NAALADL2: variants seen among roughly 807,000 people sequenced by gnomAD.
The protein encoded by NAALADL2 is N-acetylated alpha-linked acidic dipeptidase like 2, also known as inactive N-acetylated-alpha-linked acidic dipeptidase-like protein 2.
NAALADL2 carries 76 observed loss-of-function variants against 87.2 expected under a neutral mutation model. The ratio of observed to expected loss-of-function variants is 0.87; its 90% CI spans 0.72 to 1.05. The LOEUF (loss-of-function observed/expected upper bound fraction) is 1.05. Among genes scored for constraint, NAALADL2 ranks in the 50% least tolerant of loss-of-function variants. The probability of loss-of-function intolerance (pLI) is 0.00; values close to 1 mark genes in which losing one functional copy is unlikely to be tolerated. For missense variants in NAALADL2, 1,089 were observed against 945.8 expected (o/e 1.15, Z -1.99); for synonymous variants, 354 against 331.0 (o/e 1.07, Z -0.75).
rs929488855 is a variant in NAALADL2, at chr3:175,293,068, G to GA, written c.940-31105dup. Among the ~76,000 whole-genome samples the GA allele has an allele frequency of 5.6e-5, 8 of 143,566 alleles. No homozygotes were observed. The South Asian group carries it at 1.8e-3, about 31-fold the overall frequency. 94.2% of individuals were successfully genotyped at this position (143,566 alleles called of 152,430 possible). On this transcript the variant is annotated intron_variant, in intron 4 of 13. Coordinates refer to ENST00000454872, the MANE Select transcript of NAALADL2 (RefSeq NM_207015.3). Reference sequence around the variant, plus strand: ...AAAAAAAAAAAAAAAAAAAAAGGGGGAACTCGGTTATTGTTCTGAAAAGAT... The same window carrying GA: ...AAAAAAAAAAAAAAAAAAAAAGGGGGAAACTCGGTTATTGTTCTGAAAAGAT...
intron 1 of NAALADL2, among the ~76,000 whole-genome samples, chr3:174,910,767 C>G (rs1733588323): frequency 6.6e-6 from 1 of 152,086 alleles, no homozygotes. Flanking sequence ...TGACTTGACC[C>G]TCCTCTTCCC....
intron 1 of NAALADL2, among the ~76,000 whole-genome samples, chr3:174,868,241 T>A (rs1727390956): frequency 6.6e-6 from 1 of 152,184 alleles, no homozygotes. Context: ...AATACTAATG[T>A]ATTCATTTAA....
In NAALADL2 at chr3:175,096,781, T is replaced by C; in HGVS notation, c.44-9T>C. 1 of 1,444,506 alleles carries C rather than the reference T, an allele frequency of 6.9e-7. No homozygotes were observed. Among genetic ancestry groups the C allele is most frequent in the Non-Finnish European group, 9.1e-7 (1 of 1,092,916 alleles). 89.5% of individuals were successfully genotyped at this position (1,444,506 alleles called of 1,614,324 possible). A position where few individuals can be genotyped will look rare whatever the true frequency, so the allele number is the denominator to read the frequency against. On this transcript the variant is annotated splice_polypyrimidine_tract_variant and intron_variant, in intron 1 of 13. Transcript: ENST00000454872. The stretch of plus-strand genomic sequence containing the variant: ...ATTTTATTAAAATATATTTTTCTTA[T>C]TTTCACAGGTAAAAAGATGGCCTAT...
At chr3:174,998,322 T>G (rs748795609) in intron 1 of NAALADL2, among the ~76,000 whole-genome samples, 6 of 152,190 alleles carry the variant, frequency 3.9e-5, no homozygotes, top group Admixed American at 1.3e-4. Context: ...CACCAAACAC[T>G]TACAGATATC....
At chr3:174,881,119 C>A (rs1354006153) in intron 1 of NAALADL2, among the ~76,000 whole-genome samples, 1 of 152,088 alleles carries the variant, frequency 6.6e-6, no homozygotes, top group Non-Finnish European at 1.5e-5. Context: ...TCTGTAAAGA[C>A]CCTGTTTTCA....
chr3:175,442,299 G>GTA (rs3067105), intron 5 of NAALADL2, among the ~76,000 whole-genome samples: 109,345 of 150,170 alleles, frequency 0.73, 40,113 homozygotes, highest in Middle Eastern at 0.83. Context: ...CACATATAAA[G>GTA]TATATATATA....
chr3:175,778,503 T>C (rs1227696389), intron 13 of NAALADL2, among the ~76,000 whole-genome samples: 1 of 152,202 alleles, frequency 6.6e-6, no homozygotes, highest in African/African-American at 2.4e-5. Flanking sequence ...GTCTCACAGC[T>C]CTGTGTTACT....
At chr3:174,916,067 A>G (rs1230034594) in intron 1 of NAALADL2, among the ~76,000 whole-genome samples, 1 of 152,172 alleles carries the variant, frequency 6.6e-6, no homozygotes, top group Admixed American at 6.5e-5. Flanking sequence ...AAGGACATGA[A>G]TATACCTTTC....
chr3:175,757,390 C>T (rs1747414707), intron 13 of NAALADL2, among the ~76,000 whole-genome samples: 1 of 152,138 alleles, frequency 6.6e-6, no homozygotes, highest in Admixed American at 6.6e-5. Flanking sequence ...GTTTAAGGTG[C>T]CCATTAGTAC....
intron 13 of NAALADL2, among the ~76,000 whole-genome samples, chr3:175,800,583 C>T (rs1433562625): frequency 6.6e-6 from 1 of 151,894 alleles, no homozygotes; most frequent in East Asian, 1.9e-4. Context: ...TACTCATTTT[C>T]AACAGAAATT....
rs528769783 is a variant in NAALADL2, at chr3:175,324,305, C to T, written c.1070C>T (p.Thr357Met). The change falls in exon 5 of 14, where the codon ACG becomes ATG. Residue 357 changes from threonine (T) to methionine (M), a missense_variant. Thr to Met is a moderately conservative substitution (Grantham distance 81, BLOSUM62 -1). Coordinates refer to ENST00000454872, the MANE Select transcript of NAALADL2 (RefSeq NM_207015.3). ...CTGAATCCAGGAGGAGACCCTTCTA[C>T]GCCTGGTTACCCAAGTGTCGGTAAG... is the stretch of plus-strand genomic sequence containing the variant. ...VSLNPGGDPS[T>M]PGYPSVDESF... 3.0e-5 allele frequency: 49 copies of T among 1,611,980 alleles called. No individual in the cohort carries two copies. The highest frequency in any genetic ancestry group is 2.3e-4 in the African/African-American group (17 of 74,892).
At chr3:175,293,431 A>T (rs1381420110) in intron 4 of NAALADL2, among the ~76,000 whole-genome samples, 1 of 152,228 alleles carries the variant, frequency 6.6e-6, no homozygotes, top group Non-Finnish European at 1.5e-5. Context: ...TATGGAAAAA[A>T]AAGATGGGCA....
chr3:175,772,063 G>A (rs976285020), intron 13 of NAALADL2, among the ~76,000 whole-genome samples: 3 of 152,102 alleles, frequency 2.0e-5, no homozygotes. Context: ...CAAGATTTGG[G>A]TGGGGACACA....
chr3:175,787,577 C>T (rs867842697), intron 13 of NAALADL2, among the ~76,000 whole-genome samples: 37 of 152,220 alleles, frequency 2.4e-4, no homozygotes, highest in South Asian at 1.0e-3. Context: ...GGCTCGCGCA[C>T]GGTGCGCGCA....
intron 9 of NAALADL2, among the ~76,000 whole-genome samples, chr3:175,498,209 C>G (rs1213439046): frequency 1.3e-5 from 2 of 151,946 alleles, no homozygotes; most frequent in African/African-American, 4.8e-5. Context: ...AAAATAGCCT[C>G]AAAAGGACAA....
intron 2 of NAALADL2, among the ~76,000 whole-genome samples, chr3:175,199,693 G>A (rs1434609246): frequency 2.0e-5 from 3 of 150,326 alleles, no homozygotes; most frequent in African/African-American, 7.3e-5. Context: ...CCTGTTTGGC[G>A]TTAGCTTTAC....
intron 3 of NAALADL2, among the ~76,000 whole-genome samples, chr3:175,240,875 G>T (rs1033180281): frequency 1.3e-5 from 2 of 151,968 alleles, no homozygotes; most frequent in African/African-American, 4.8e-5. Context: ...GGCTGGTCTC[G>T]AACTGGAACT....
intron 13 of NAALADL2, among the ~76,000 whole-genome samples, chr3:175,759,381 G>A (rs1747695705): frequency 7.1e-6 from 1 of 141,506 alleles, no homozygotes; most frequent in Admixed American, 7.2e-5. Context: ...CTTTTGAGAT[G>A]GAGTCTCGCT....
chr3:174,820,202 T>A (rs1222046512), intron 3 of NAALADL2, among the ~76,000 whole-genome samples: 1 of 152,220 alleles, frequency 6.6e-6, no homozygotes, highest in African/African-American at 2.4e-5. Flanking sequence ...AAAATATGAA[T>A]ACATCCTAAG....
Sources: allele counts gnomAD v4.1 joint callset (sites outside exome capture counted in the v4.1 genomes callset), GRCh38; gene constraint gnomAD v4.1.1; transcripts MANE v1.5; gene names NCBI Gene and HGNC (gene_info 2026-07-23, HGNC 2026-07-21).